RFTN1: variants seen among roughly 807,000 people sequenced by gnomAD.
RFTN1 encodes the protein raftlin.
A neutral mutation model predicts 46.5 loss-of-function variants in RFTN1; 26 were observed. The observed-to-expected ratio is 0.56, with a 90% CI of 0.41 to 0.78. The LOEUF is 0.78. Among genes scored for constraint, RFTN1 ranks in the 30% least tolerant of loss-of-function variants. The pLI is 0.00. For missense variants in RFTN1, 693 were observed against 718.7 expected, an observed-to-expected ratio of 0.96 and a Z score of 0.41; for synonymous variants, 261 against 284.2, an observed-to-expected ratio of 0.92 and a Z score of 0.82.
intron 3 of RFTN1, among the ~76,000 whole-genome samples, chr3:16,411,855 A>G (rs2077624): frequency 0.47 from 71,874 of 152,104 alleles, 17,036 homozygotes; most frequent in East Asian, 0.59. Flanking sequence ...CTAAAAAACT[A>G]TAATCATTTT....
intron 4 of RFTN1, among the ~76,000 whole-genome samples, 186 bp downstream of exon 4, chr3:16,409,189 T>A (rs1188669040): frequency 6.6e-6 from 1 of 152,036 alleles, no homozygotes; most frequent in Non-Finnish European, 1.5e-5. Context: ...GGAGGAGGGG[T>A]TAGCCATCTT....
intron 2 of RFTN1, among the ~76,000 whole-genome samples, chr3:16,464,055 C>T (rs1187989228): frequency 1.3e-5 from 2 of 151,984 alleles, no homozygotes; most frequent in Admixed American, 6.6e-5. Context: ...GATTACTCAA[C>T]ACCCCTTCTG....
In RFTN1 at chr3:16,507,754, C is replaced by T. The variant is rs760960820; in HGVS notation, c.-9+5688G>A. On this transcript the variant is annotated intron_variant, in intron 1 of 9. Coordinates refer to ENST00000334133, the MANE Select transcript of RFTN1 (RefSeq NM_015150.2). This position sits in a 1 kb window ranked among gnomAD's most constrained non-coding sequence, Gnocchi z 7.1. The stretch of plus-strand genomic sequence containing the variant: ...ACACATACACACATACATGCACACT[C>T]ACATACACACAAACACACACATACA... Among the ~76,000 whole-genome samples the T allele has an allele frequency of 1.5e-4, 22 of 150,080 alleles. No homozygotes were observed. The highest frequency in any genetic ancestry group is 2.5e-4 in the Non-Finnish European group (17 of 67,812).
At position 16,377,914 on chromosome 3, in the gene RFTN1, C is replaced by T. The variant is rs755164726; in HGVS notation, c.630G>A (p.Val210=). 1.9e-6 allele frequency: 3 copies of T among 1,614,208 alleles called. No individual in the cohort carries two copies. The highest frequency in any genetic ancestry group is 2.5e-6 in the Non-Finnish European group (3 of 1,180,042). Residue 210 remains valine (V), a synonymous_variant, in exon 5 of 10, where the codon GTG becomes GTA. Coordinates refer to ENST00000334133, the MANE Select transcript of RFTN1 (RefSeq NM_015150.2). ...LENEKPGTGD[V]CSAPAGRNQS... ...GGTTTCTCCCAGCCGGAGCACTGCACACATCCCCAGTCCCCGGTTTCTCAT... is the reference window on the plus strand; with the variant it reads ...GGTTTCTCCCAGCCGGAGCACTGCATACATCCCCAGTCCCCGGTTTCTCAT...
At position 16,423,282 on chromosome 3, in the gene RFTN1, C is replaced by A. The variant is rs116184746; in HGVS notation, c.332+10569G>T. Among the ~76,000 whole-genome samples, 1,069 of 152,196 alleles carry A rather than the reference C, an allele frequency of 7.0e-3. 8 individuals carry two copies. Among genetic ancestry groups the A allele is most frequent in the African/African-American group, 0.02 (841 of 41,506 alleles). On this transcript the variant is annotated intron_variant, in intron 3 of 9. Coordinates refer to ENST00000334133, the MANE Select transcript of RFTN1 (RefSeq NM_015150.2). ...AGGCAATGTCTGGAATCTGTCACAA[C>A]TGCAGGGATGGGGGGTTTGCTGGTA...
In RFTN1 at chr3:16,457,970, C is replaced by T. The variant is rs1267132522; in HGVS notation, c.146-23933G>A. Among the ~76,000 whole-genome samples the T allele has an allele frequency of 6.6e-6, 1 of 152,162 alleles. No individual in the cohort carries two copies. The highest frequency in any genetic ancestry group is 6.5e-5 in the Admixed American group (1 of 15,278). Reference sequence around the variant, plus strand: ...TTCTGCCTTCCACCATGTGAGGACACAGCATTCCACCCCTCTGGAGGATGC... The same window carrying T: ...TTCTGCCTTCCACCATGTGAGGACATAGCATTCCACCCCTCTGGAGGATGC... On this transcript the variant is annotated intron_variant, in intron 2 of 9. Coordinates refer to ENST00000334133, the MANE Select transcript of RFTN1 (RefSeq NM_015150.2). This position sits in a 1 kb window ranked among gnomAD's most constrained non-coding sequence, Gnocchi z 4.2.
At chr3:16,502,891 C>A (rs1411008211) in intron 1 of RFTN1, among the ~76,000 whole-genome samples, 1 of 152,208 alleles carries the variant, frequency 6.6e-6, no homozygotes, top group Non-Finnish European at 1.5e-5. Context: ...GGTTTTAGGG[C>A]AATTTACCAC....
rs1302151676 is a variant in RFTN1 at position 16,376,712 on chromosome 3, C to T, written c.826+1006G>A. 1.3e-5 allele frequency among the ~76,000 whole-genome samples: 2 copies of T among 152,180 alleles called. No individual in the cohort carries two copies. The highest frequency in any genetic ancestry group is 2.1e-4 in the South Asian group (1 of 4,828). On this transcript the variant is annotated intron_variant, in intron 5 of 9. Transcript: ENST00000334133. This position sits in a 1 kb window ranked among gnomAD's most constrained non-coding sequence, Gnocchi z 4.7. ...TAGTCTTACTACATCACAAAACTGA[C>T]GCAGCTCCAATATCTCCCTCTAAAT...
intron 2 of RFTN1, among the ~76,000 whole-genome samples, chr3:16,455,916 T>A (rs1364489912): frequency 1.3e-5 from 2 of 152,122 alleles, no homozygotes; most frequent in African/African-American, 4.8e-5. Flanking sequence ...CTCATGGAAA[T>A]TAGAAGATTC....
intron 7 of RFTN1, chr3:16,350,160 C>T (rs181562581): frequency 1.1e-4 from 17 of 152,294 alleles, no homozygotes; most frequent in Admixed American, 1.0e-3. Flanking sequence ...TTAATTTTCT[C>T]GTTTAACATT....
At chr3:16,397,781 C>T (rs1408558193) in intron 4 of RFTN1, among the ~76,000 whole-genome samples, 1 of 108,306 alleles carries the variant, frequency 9.2e-6, no homozygotes, top group Non-Finnish European at 2.3e-5. Context: ...GGTCTCTCTC[C>T]CTCTCTCTCT....
At position 16,344,424 on chromosome 3, in the gene RFTN1, C is replaced by A. The variant is rs1042623578; in HGVS notation, c.1146+13508G>T. Among the ~76,000 whole-genome samples, 1 of 151,896 alleles carries A rather than the reference C, an allele frequency of 6.6e-6. No homozygotes were observed. Among genetic ancestry groups the A allele is most frequent in the Non-Finnish European group, 1.5e-5 (1 of 68,000 alleles). The stretch of plus-strand genomic sequence containing the variant: ...TAAAAACAGATACATTCAGAAAAGG[C>A]GGCTCTGGTTGACACTGGCATGGGT... On this transcript the variant is annotated intron_variant, in intron 7 of 9. Coordinates refer to ENST00000334133, the MANE Select transcript of RFTN1 (RefSeq NM_015150.2). This position sits in a 1 kb window ranked among gnomAD's most constrained non-coding sequence, Gnocchi z 4.4.
intron 4 of RFTN1, among the ~76,000 whole-genome samples, chr3:16,397,574 T>C (rs2347002): frequency 0.16 from 24,409 of 152,178 alleles, 2,316 homozygotes; most frequent in East Asian, 0.3. Context: ...TCAAACAGCA[T>C]GCTGTAAACC....
In RFTN1 at chr3:16,460,825, G is replaced by C. The variant is rs1429850427; in HGVS notation, c.146-26788C>G. On this transcript the variant is annotated intron_variant, in intron 2 of 9. Coordinates refer to ENST00000334133, the MANE Select transcript of RFTN1 (RefSeq NM_015150.2). The surrounding 1 kb of genome is among the most constrained non-coding windows in gnomAD (Gnocchi z 4.8). ...TCTGAGACATGTGGCCACCACAGCT[G>C]TGAAGTGGCCCACTCTCTCCCACCT... Among the ~76,000 whole-genome samples, 4 of 152,234 alleles carry C rather than the reference G, an allele frequency of 2.6e-5. No homozygotes were observed. The highest frequency in any genetic ancestry group is 5.9e-5 in the Non-Finnish European group (4 of 68,046).
At chr3:16,420,928 G>A (rs2075171674) in intron 3 of RFTN1, among the ~76,000 whole-genome samples, 1 of 152,196 alleles carries the variant, frequency 6.6e-6, no homozygotes, top group East Asian at 1.9e-4. Flanking sequence ...CCCAGGTGAT[G>A]CTGATGCTGC....
rs375946247 is a variant in RFTN1 at position 16,316,814 on chromosome 3, A to C, written c.*14T>G. 1.2e-4 allele frequency: 188 copies of C among 1,613,150 alleles called. No individual in the cohort carries two copies. The highest frequency in any genetic ancestry group is 1.5e-4 in the Non-Finnish European group (180 of 1,179,888). ...TTGGCAACTCACCTAGTTTTAGCAC[A>C]AATTGCCCAAGACTCAGTTTTCTTC... On this transcript the variant is annotated 3_prime_UTR_variant, in exon 10 of 10. Transcript: ENST00000334133. This position sits in a 1 kb window ranked among gnomAD's most constrained non-coding sequence, Gnocchi z 4.5.
At chr3:16,372,954 C>A (rs1201839966) in intron 5 of RFTN1, among the ~76,000 whole-genome samples, 1 of 152,224 alleles carries the variant, frequency 6.6e-6, no homozygotes, top group African/African-American at 2.4e-5. Context: ...TCTGCCCCAT[C>A]ATCTCCTTGT....
At chr3:16,375,593 G>A (rs1203229313) in intron 5 of RFTN1, among the ~76,000 whole-genome samples, 11 of 152,162 alleles carry the variant, frequency 7.2e-5, no homozygotes, top group Admixed American at 2.0e-4. Flanking sequence ...ATCAAAGGAG[G>A]GAAAAGGGAT....
chr3:16,491,220 A>T (rs1299847412), intron 2 of RFTN1, among the ~76,000 whole-genome samples: 2 of 152,100 alleles, frequency 1.3e-5, no homozygotes, highest in Non-Finnish European at 2.9e-5. Flanking sequence ...GAAGATGAGC[A>T]GGGGGATCCT....
Sources: gnomAD v4.1 joint callset for allele counts (sites outside exome capture counted in the v4.1 genomes callset) on GRCh38, gnomAD v4.1.1 for gene constraint, Gnocchi (gnomAD v3.1) non-coding constraint, MANE v1.5 for transcripts, NCBI Gene and HGNC (gene_info 2026-07-23, HGNC 2026-07-21) for gene names.